The following XXYLT1 variants were observed in gnomAD, a reference collection of about 807,000 sequenced individuals.
The protein encoded by XXYLT1 is UDP-xylose:alpha-xyloside alpha-1,3-xylosyltransferase.
Under a neutral mutation model 28.9 loss-of-function variants are expected in XXYLT1, and 20 were observed. The observed-to-expected ratio is 0.69, with a 90% CI of 0.49 to 1.00. The LOEUF (loss-of-function observed/expected upper bound fraction) is 1.00, where lower values mean the gene tolerates loss of function less well. Among genes scored for constraint, XXYLT1 ranks in the 50% least tolerant of loss-of-function variants. The pLI, the probability that XXYLT1 is intolerant of heterozygous loss-of-function variation, is 0.00. For synonymous variants in XXYLT1, 257 were observed against 253.8 expected (o/e 1.01, Z -0.12); for missense variants, 542 against 560.1 (o/e 0.97, Z 0.33).
intron 3 of XXYLT1, among the ~76,000 whole-genome samples, chr3:195,137,329 G>A (rs974740711): frequency 2.0e-5 from 3 of 152,196 alleles, no homozygotes; most frequent in African/African-American, 4.8e-5. Context: ...ATTTTCAGCT[G>A]GCAATTTACA....
intron 1 of XXYLT1, among the ~76,000 whole-genome samples, chr3:195,235,228 G>A (rs976264224): frequency 4.6e-5 from 7 of 151,920 alleles, no homozygotes; most frequent in Non-Finnish European, 1.0e-4. Context: ...AGCTCTAACT[G>A]TGTATTTTCA....
intron 2 of XXYLT1, among the ~76,000 whole-genome samples, chr3:195,172,572 C>T (rs1721462505): frequency 6.6e-6 from 1 of 152,168 alleles, no homozygotes; most frequent in African/African-American, 2.4e-5. Context: ...CTACTGTGAA[C>T]CAGGCACTGC....
At chr3:195,253,734 G>C (rs1463860707) in intron 1 of XXYLT1, among the ~76,000 whole-genome samples, 1 of 151,904 alleles carries the variant, frequency 6.6e-6, no homozygotes, top group Non-Finnish European at 1.5e-5. Context: ...CCTGACCTCA[G>C]GTGATCCGCC....
chr3:195,185,090 GAA>G (rs1722127945), intron 2 of XXYLT1, among the ~76,000 whole-genome samples: 1 of 4,238 alleles, frequency 2.4e-4, no homozygotes, highest in Non-Finnish European at 6.9e-4. Context: ...AAGGAAGAAG[GAA>G]GGAAGGAAGG....
chr3:195,179,594 T>C (rs7611411), intron 2 of XXYLT1, among the ~76,000 whole-genome samples: 4,293 of 152,072 alleles, frequency 0.028, 191 homozygotes, highest in African/African-American at 0.099. Flanking sequence ...GGAGGAATGC[T>C]GAGGAGACAT....
In XXYLT1 at chr3:195,150,894, T is replaced by C. The variant is rs28439559; in HGVS notation, c.785+5555A>G. ...CTCTCTCCCTCTCCCTCTCCCTCTCTCTCTCTCCATCACTCCAGGGTCAGC... is the reference window on the plus strand; with the variant it reads ...CTCTCTCCCTCTCCCTCTCCCTCTCCCTCTCTCCATCACTCCAGGGTCAGC... On this transcript the variant is annotated intron_variant, in intron 3 of 3. Transcript: ENST00000310380. The surrounding 1 kb of genome is among the most constrained non-coding windows in gnomAD (Gnocchi z 4.7). Among the ~76,000 whole-genome samples, 301 of 150,422 alleles carry C rather than the reference T, an allele frequency of 2.0e-3. 2 individuals carry two copies. Among genetic ancestry groups the C allele is most frequent in the African/African-American group, 6.8e-3 (273 of 40,292 alleles).
chr3:195,158,047 AT>A (rs756931844), intron 2 of XXYLT1, among the ~76,000 whole-genome samples: 2 of 152,204 alleles, frequency 1.3e-5, no homozygotes, highest in African/African-American at 2.4e-5. Context: ...TGCAAAGGCA[AT>A]TTAAGGAACT....
chr3:195,086,727 TG>T (rs934301716), intron 3 of XXYLT1, among the ~76,000 whole-genome samples: 3 of 151,532 alleles, frequency 2.0e-5, no homozygotes, highest in Admixed American at 1.3e-4. Flanking sequence ...GCTTTGGTGA[TG>T]GGGGGGAGGG....
At chr3:195,220,169 T>C (rs143850725) in intron 2 of XXYLT1, among the ~76,000 whole-genome samples, 44 of 152,292 alleles carry the variant, frequency 2.9e-4, no homozygotes, top group African/African-American at 1.0e-3. Context: ...AGTCTCACTC[T>C]ATTACACTGT....
chr3:195,106,987 A>C (rs1321019998), intron 3 of XXYLT1, among the ~76,000 whole-genome samples: 1 of 152,196 alleles, frequency 6.6e-6, no homozygotes, highest in South Asian at 2.1e-4. Flanking sequence ...ATGGTAATAC[A>C]ATCAGAGGCT....
intron 3 of XXYLT1, among the ~76,000 whole-genome samples, chr3:195,083,434 C>G (rs2108650382): frequency 6.6e-6 from 1 of 152,294 alleles, no homozygotes; most frequent in South Asian, 2.1e-4. Flanking sequence ...TCAACACCCT[C>G]CCTGCTGAGA....
At chr3:195,080,611 C>T (rs1200270558) in intron 3 of XXYLT1, among the ~76,000 whole-genome samples, 2 of 152,192 alleles carry the variant, frequency 1.3e-5, no homozygotes, top group Non-Finnish European at 2.9e-5. Flanking sequence ...CCTTCAGAAT[C>T]GGCTCACTGT....
Position 195,256,876 on chromosome 3 carries a change from G to T in XXYLT1, c.504+13679C>A, listed in dbSNP as rs930340036. ...TTGCCCAGGGCACTGCCTGCCAGCC[G>T]GGGCTCTAGGCAGACCAAGCAACCT... On this transcript the variant is annotated intron_variant, in intron 1 of 3. Transcript: ENST00000310380. This position sits in a 1 kb window ranked among gnomAD's most constrained non-coding sequence, Gnocchi z 4.2. Among the ~76,000 whole-genome samples, 14 of 152,192 alleles carry T rather than the reference G, an allele frequency of 9.2e-5. No individual in the cohort carries two copies. The highest frequency in any genetic ancestry group is 1.9e-4 in the African/African-American group (8 of 41,448).
In XXYLT1 at chr3:195,131,154, C is replaced by T. The variant is rs186532303; in HGVS notation, c.785+25295G>A. On this transcript the variant is annotated intron_variant, in intron 3 of 3. Transcript: ENST00000310380. ...GTTCCTTCCCAAGCTGCTGAGGAAG[C>T]AGCCTCGCTTTGTCACAGGCATCCT... is the stretch of plus-strand genomic sequence containing the variant. Among the ~76,000 whole-genome samples the T allele has an allele frequency of 3.0e-3, 453 of 152,328 alleles. 11 individuals carry two copies. Among genetic ancestry groups the T allele is most frequent in the Admixed American group, 0.027 (414 of 15,302 alleles).
chr3:195,147,390 T>G (rs148848822), intron 3 of XXYLT1, among the ~76,000 whole-genome samples: 199 of 152,220 alleles, frequency 1.3e-3, no homozygotes, highest in African/African-American at 4.5e-3. Context: ...GCCAACATGA[T>G]GAAACCCTGT....
In XXYLT1 at chr3:195,069,936, TGTC is replaced by T; in HGVS notation, c.958_960del (p.Asp320del). The T allele has an allele frequency of 1.9e-6, 3 of 1,613,162 alleles. No homozygotes were observed. Among genetic ancestry groups the T allele is most frequent in the African/African-American group, 1.3e-5 (1 of 75,042 alleles). Reference sequence around the variant, plus strand: ...CCGAGGTGGCCGCGGAAGTGGTACTTGTCGGCCAGCTGCTGCACCTGCGCCGGC... The same window carrying T: ...CCGAGGTGGCCGCGGAAGTGGTACTTGGCCAGCTGCTGCACCTGCGCCGGC... On this transcript the variant is annotated inframe_deletion, in exon 4 of 4. Coordinates refer to ENST00000310380, the MANE Select transcript of XXYLT1 (RefSeq NM_152531.5).
chr3:195,076,369 G>T lies in XXYLT1; in HGVS notation c.786-6258C>A, dbSNP rs1372109280. 6.8e-6 allele frequency among the ~76,000 whole-genome samples: 1 copy of T among 147,284 alleles called. No homozygotes were observed. Among genetic ancestry groups the T allele is most frequent in the Non-Finnish European group, 1.5e-5 (1 of 66,860 alleles). ...GCGGCACAGACATTGGAACTCGACC[G>T]CGCGTGTTCCCGGAGTCTGAGTCGT... On this transcript the variant is annotated intron_variant, in intron 3 of 3. Transcript: ENST00000310380. The surrounding 1 kb of genome is among the most constrained non-coding windows in gnomAD (Gnocchi z 5.3).
intron 2 of XXYLT1, among the ~76,000 whole-genome samples, chr3:195,190,252 T>C (rs1722362255): frequency 6.6e-6 from 1 of 152,140 alleles, no homozygotes; most frequent in Non-Finnish European, 1.5e-5. Context: ...CCCAGCACTT[T>C]GAGAAGCCAA....
At chr3:195,160,247 G>A (rs996110210) in intron 2 of XXYLT1, among the ~76,000 whole-genome samples, 11 of 152,228 alleles carry the variant, frequency 7.2e-5, no homozygotes, top group Non-Finnish European at 1.5e-4. Flanking sequence ...GCTCAGGTAA[G>A]CACAGTGCCT....
Sources: allele counts gnomAD v4.1 joint callset (sites outside exome capture counted in the v4.1 genomes callset), GRCh38; gene constraint gnomAD v4.1.1; non-coding constraint Gnocchi (gnomAD v3.1); transcripts MANE v1.5; gene names NCBI Gene and HGNC (gene_info 2026-07-23, HGNC 2026-07-21).